The following MTPN variants were observed in gnomAD, a reference collection of about 807,000 sequenced individuals.
MTPN encodes the protein granule cell differentiation protein.
Under a neutral mutation model 13.5 loss-of-function variants are expected in MTPN, and 2 were observed. The ratio of observed to expected loss-of-function variants is 0.15; its 90% CI spans 0.06 to 0.47. The LOEUF (loss-of-function observed/expected upper bound fraction) is 0.47, where lower values mean the gene tolerates loss of function less well. Ranked by LOEUF, MTPN falls within the 20% of genes least tolerant of loss-of-function variation. The pLI, the probability that MTPN is intolerant of heterozygous loss-of-function variation, is 0.97. For missense variants in MTPN, 79 were observed against 137.9 expected, an observed-to-expected ratio of 0.57 and a Z score of 2.14; for synonymous variants, 46 against 51.7, an observed-to-expected ratio of 0.89 and a Z score of 0.48.
At chr7:135,953,645 G>C (rs1220304652) in intron 1 of MTPN, among the ~76,000 whole-genome samples, 1 of 152,180 alleles carries the variant, frequency 6.6e-6, no homozygotes, top group Non-Finnish European at 1.5e-5. Flanking sequence ...AGCATTCTGA[G>C]AGAAGGGTGA....
chr7:135,966,141 A>G (rs1322936048), intron 1 of MTPN, among the ~76,000 whole-genome samples: 5 of 152,156 alleles, frequency 3.3e-5, no homozygotes, highest in Non-Finnish European at 4.4e-5. Flanking sequence ...GGAGGATTGA[A>G]GAACAAAGCT....
At chr7:135,972,231 G>GCGCACACACACACACACACA (rs779296906) in intron 1 of MTPN, among the ~76,000 whole-genome samples, 15 of 124,700 alleles carry the variant, frequency 1.2e-4, no homozygotes, top group African/African-American at 3.6e-4. Context: ...GCACGCGCGC[G>GCGCACACACACACACACACA]CACACACACA....
At chr7:135,945,973 AAT>A (rs1313038151) in intron 3 of MTPN, among the ~76,000 whole-genome samples, 7 of 152,172 alleles carry the variant, frequency 4.6e-5, no homozygotes, top group African/African-American at 1.7e-4. Flanking sequence ...AAATAATAAT[AAT>A]AAAATAGAAC....
intron 3 of MTPN, among the ~76,000 whole-genome samples, chr7:135,931,223 CAA>C (rs1378127917): frequency 6.6e-6 from 1 of 152,062 alleles, no homozygotes; most frequent in Non-Finnish European, 1.5e-5. Context: ...AAAAATAAGA[CAA>C]GAGTCTGCCA....
chr7:135,945,849 T>TC (rs1161177230), intron 3 of MTPN, among the ~76,000 whole-genome samples: 4 of 152,156 alleles, frequency 2.6e-5, no homozygotes, highest in Admixed American at 2.0e-4. Flanking sequence ...CACCAGCATC[T>TC]CCATAAGCAC....
At chr7:135,954,361 T>A (rs1053852643) in intron 1 of MTPN, among the ~76,000 whole-genome samples, 1 of 152,228 alleles carries the variant, frequency 6.6e-6, no homozygotes, top group East Asian at 1.9e-4. Context: ...ATTAAAGATA[T>A]TATTTATTGT....
intron 3 of MTPN, among the ~76,000 whole-genome samples, chr7:135,944,225 G>A (rs1799254748): frequency 1.3e-5 from 2 of 152,014 alleles, no homozygotes; most frequent in East Asian, 3.9e-4. Context: ...CCCCATAGTT[G>A]ATTATTTAGA....
intron 3 of MTPN, among the ~76,000 whole-genome samples, chr7:135,941,351 T>C (rs1282947290): frequency 9.7e-6 from 1 of 103,324 alleles, no homozygotes; most frequent in Non-Finnish European, 2.2e-5. Flanking sequence ...ATTGCCAAGC[T>C]CCTCTATCTG....
At chr7:135,962,085 A>G (rs531937195) in intron 1 of MTPN, among the ~76,000 whole-genome samples, 1 of 152,068 alleles carries the variant, frequency 6.6e-6, no homozygotes, top group Non-Finnish European at 1.5e-5. Flanking sequence ...TTTGTACTCT[A>G]TGGAAATTGT....
At chr7:135,939,602 C>A (rs75941839) in intron 3 of MTPN, among the ~76,000 whole-genome samples, 1 of 18,158 alleles carries the variant, frequency 5.5e-5, no homozygotes, top group African/African-American at 1.5e-4. Context: ...GTGCGTGGGG[C>A]GGGTGCCCAG....
At chr7:135,957,789 G>C (rs1799465648) in intron 1 of MTPN, among the ~76,000 whole-genome samples, 2 of 152,194 alleles carry the variant, frequency 1.3e-5, no homozygotes, top group Admixed American at 6.5e-5. Flanking sequence ...GTTCTTGTGA[G>C]AGCTGGTGTT....
chr7:135,949,175 T>A (rs928634476), intron 3 of MTPN, among the ~76,000 whole-genome samples: 9 of 152,232 alleles, frequency 5.9e-5, no homozygotes, highest in Non-Finnish European at 1.2e-4. Flanking sequence ...CTGGGTTCAG[T>A]TACTTGCAAG....
intron 1 of MTPN, chr7:135,960,760 G>A (rs746855686): frequency 3.3e-4 from 50 of 151,790 alleles, no homozygotes; most frequent in African/African-American, 1.1e-3. Context: ...AGATTAGTAC[G>A]GCCTCTCTGC....
rs921895601 is a variant in MTPN at position 135,977,318 on chromosome 7, G to A, written c.-218C>T. 3 of 592,188 alleles carry A rather than the reference G, an allele frequency of 5.1e-6. No individual in the cohort carries two copies. The highest frequency in any genetic ancestry group is 3.7e-5 in the African/African-American group (2 of 53,560). The allele number at this position is 592,188 out of a possible 1,614,324, so 36.7% of individuals were successfully genotyped here. A position where few individuals can be genotyped will look rare whatever the true frequency, so the allele number is the denominator to read the frequency against. ...TTTTGCGGCCACCGGGCCCAGCAGA[G>A]AGGTTCCGCCTGGCCGAGGAGAGGC... is the stretch of plus-strand genomic sequence containing the variant. On this transcript the variant is annotated 5_prime_UTR_variant, in exon 1 of 4. Transcript: ENST00000393085.
rs1799223621 is a variant in MTPN, at chr7:135,942,133, C to T, written c.270+8466G>A. On this transcript the variant is annotated intron_variant, in intron 3 of 3. Coordinates refer to ENST00000393085, the MANE Select transcript of MTPN (RefSeq NM_145808.4). ...CGAACTCCTGACCTCAGGTGATCCGCCCGCCTCGGCCTCCCAAAGTGCTGG... is the reference window on the plus strand; with the variant it reads ...CGAACTCCTGACCTCAGGTGATCCGTCCGCCTCGGCCTCCCAAAGTGCTGG... 2.0e-5 allele frequency among the ~76,000 whole-genome samples: 3 copies of T among 152,072 alleles called. No individual in the cohort carries two copies. In the South Asian group the frequency reaches 6.2e-4, roughly 32 times the overall value.
chr7:135,939,206 C>T (rs899331921), intron 3 of MTPN, among the ~76,000 whole-genome samples: 8 of 152,156 alleles, frequency 5.3e-5, no homozygotes, highest in African/African-American at 1.4e-4. Flanking sequence ...ATGAAGACTT[C>T]GAAAAACGTA....
chr7:135,966,676 G>A (rs889616212), intron 1 of MTPN, among the ~76,000 whole-genome samples: 1 of 152,150 alleles, frequency 6.6e-6, no homozygotes, highest in African/African-American at 2.4e-5. Context: ...GTGTTTTACT[G>A]CTGCCACTAC....
At chr7:135,963,799 C>T (rs561182070) in intron 1 of MTPN, among the ~76,000 whole-genome samples, 123 of 151,946 alleles carry the variant, frequency 8.1e-4, no homozygotes, top group African/African-American at 2.9e-3. Context: ...TTTTTTCTTT[C>T]AAAAATGACT....
Position 135,929,802 on chromosome 7 carries a change from C to T in MTPN, c.*124G>A. The stretch of plus-strand genomic sequence containing the variant: ...AGTCGGATTTGTTATGAATTTCTCT[C>T]TCCCCTCACCCCTCTTAAAGTATTT... On this transcript the variant is annotated 3_prime_UTR_variant, in exon 4 of 4. Coordinates refer to ENST00000393085, the MANE Select transcript of MTPN (RefSeq NM_145808.4). 6.4e-6 allele frequency: 6 copies of T among 940,826 alleles called. No individual in the cohort carries two copies. The highest frequency in any genetic ancestry group is 3.1e-5 in the South Asian group (2 of 63,916). 58.3% of individuals were successfully genotyped at this position (940,826 alleles called of 1,614,324 possible). A position where few individuals can be genotyped will look rare whatever the true frequency, so the allele number is the denominator to read the frequency against.
Sources: gnomAD v4.1 joint callset for allele counts (sites outside exome capture counted in the v4.1 genomes callset) on GRCh38, gnomAD v4.1.1 for gene constraint, MANE v1.5 for transcripts, NCBI Gene and HGNC (gene_info 2026-07-23, HGNC 2026-07-21) for gene names.